The following FRMD3 variants were observed in gnomAD, a reference collection of about 807,000 sequenced individuals.
The protein encoded by FRMD3 is FERM domain-containing protein 3.
In FRMD3, 33 loss-of-function variants were observed where a neutral mutation model predicts 70.2. The ratio of observed to expected loss-of-function variants is 0.47; its 90% CI spans 0.36 to 0.63. The LOEUF (loss-of-function observed/expected upper bound fraction) is 0.63. FRMD3 is among the 20% of genes least tolerant of loss of function. The probability of loss-of-function intolerance (pLI) is 0.00; values close to 1 mark genes in which losing one functional copy is unlikely to be tolerated. For missense variants in FRMD3, 632 were observed against 711.4 expected, an observed-to-expected ratio of 0.89 and a Z score of 1.27; for synonymous variants, 279 against 255.9, an observed-to-expected ratio of 1.09 and a Z score of -0.86.
chr9:83,428,010 G>A (rs570473185), intron 1 of FRMD3, among the ~76,000 whole-genome samples: 3 of 152,278 alleles, frequency 2.0e-5, no homozygotes, highest in Non-Finnish European at 4.4e-5. Flanking sequence ...AGGTGATGAT[G>A]TACATAGTAA....
At chr9:83,441,830 A>AT (rs1827305424) in intron 1 of FRMD3, among the ~76,000 whole-genome samples, 1 of 152,018 alleles carries the variant, frequency 6.6e-6, no homozygotes, top group African/African-American at 2.4e-5. Flanking sequence ...CTGCCTTTAC[A>AT]TACAAACAGA....
Position 83,256,126 on chromosome 9 carries a change from C to T in FRMD3, c.1196-7610G>A, listed in dbSNP as rs565744210. ...TGCTACCTGACTTCAAACTATACTA[C>T]AAGGCTACAGTAACCAAAACAGCAT... On this transcript the variant is annotated intron_variant, in intron 13 of 13. Transcript: ENST00000304195. Among the ~76,000 whole-genome samples the T allele has an allele frequency of 8.6e-4, 131 of 152,250 alleles. No homozygotes were observed. In the Middle Eastern group the frequency reaches 0.01, roughly 12 times the overall value.
At chr9:83,523,424 T>C (rs1488259423) in intron 1 of FRMD3, among the ~76,000 whole-genome samples, 2 of 152,194 alleles carry the variant, frequency 1.3e-5, no homozygotes, top group Non-Finnish European at 2.9e-5. Flanking sequence ...TCTCTGCATT[T>C]CCCATAACAC....
At chr9:83,270,368 T>A (rs548807213) in intron 13 of FRMD3, among the ~76,000 whole-genome samples, 1 of 152,344 alleles carries the variant, frequency 6.6e-6, no homozygotes, top group African/African-American at 2.4e-5. Context: ...CCATGGCTGC[T>A]CCTGCACAAA....
At chr9:83,439,476 G>C (rs550747584) in intron 1 of FRMD3, among the ~76,000 whole-genome samples, 1 of 152,322 alleles carries the variant, frequency 6.6e-6, no homozygotes, top group Admixed American at 6.5e-5. Context: ...CAGCCAACTG[G>C]ATGGTTACAG....
chr9:83,567,337 T>TTTCAAAACCACC, the FRMD3 span, among the ~76,000 whole-genome samples: 1 of 152,090 alleles, frequency 6.6e-6, no homozygotes, highest in Non-Finnish European at 1.5e-5. Flanking sequence ...ACAAAACCAC[T>TTTCAAAACCACC]TTTTCCTCCT....
At chr9:83,473,572 ACTTT>A (rs1349538294) in intron 1 of FRMD3, among the ~76,000 whole-genome samples, 1 of 152,132 alleles carries the variant, frequency 6.6e-6, no homozygotes, top group Non-Finnish European at 1.5e-5. Context: ...TACATCATAC[ACTTT>A]CTATCTTAGA....
chr9:83,349,610 G>T, intron 4 of FRMD3, 69 bp downstream of exon 4: 2 of 1,141,082 alleles, frequency 1.8e-6, no homozygotes, highest in Non-Finnish European at 2.6e-6. Context: ...GGCCCATCTA[G>T]CCTGCAAGAC....
chr9:83,430,339 C>A (rs1421990204), intron 1 of FRMD3, among the ~76,000 whole-genome samples: 4 of 152,160 alleles, frequency 2.6e-5, no homozygotes, highest in Admixed American at 2.0e-4. Flanking sequence ...TTGGTAGAAG[C>A]TCCATTTGGT....
intron 1 of FRMD3, among the ~76,000 whole-genome samples, chr9:83,419,546 GAT>G (rs148300028): frequency 0.031 from 4,721 of 151,290 alleles, 114 homozygotes; most frequent in East Asian, 0.12. Flanking sequence ...CTGAGTGTGT[GAT>G]ATGTGTGTGT....
At chr9:83,452,041 G>A (rs1044879376) in intron 1 of FRMD3, among the ~76,000 whole-genome samples, 1 of 152,186 alleles carries the variant, frequency 6.6e-6, no homozygotes, top group Non-Finnish European at 1.5e-5. Context: ...TCAACAGAGG[G>A]AGACTGGCAG....
intron 1 of FRMD3, among the ~76,000 whole-genome samples, chr9:83,520,472 C>T (rs1829547078): frequency 6.6e-6 from 1 of 152,194 alleles, no homozygotes; most frequent in African/African-American, 2.4e-5. Context: ...GAGTTAGCTA[C>T]CATTAAGAGA....
the FRMD3 span, among the ~76,000 whole-genome samples, chr9:83,575,755 A>C: frequency 1.3e-5 from 2 of 152,222 alleles, no homozygotes; most frequent in Non-Finnish European, 2.9e-5. Context: ...TTGAATTACT[A>C]GCTTTTAAAC....
chr9:83,553,811 T>C, the FRMD3 span, among the ~76,000 whole-genome samples: 1 of 152,228 alleles, frequency 6.6e-6, no homozygotes, highest in Non-Finnish European at 1.5e-5. Flanking sequence ...TTCCTGAATC[T>C]CAATGATATT....
intron 4 of FRMD3, among the ~76,000 whole-genome samples, chr9:83,345,675 T>C (rs531414051): frequency 1.2e-3 from 180 of 152,156 alleles, no homozygotes; most frequent in Non-Finnish European, 2.0e-3. Flanking sequence ...GAGAATCACT[T>C]GAACCTGGGA....
chr9:83,530,734 T>C (rs1236828098), intron 1 of FRMD3, among the ~76,000 whole-genome samples: 1 of 152,170 alleles, frequency 6.6e-6, no homozygotes, highest in African/African-American at 2.4e-5. Context: ...CTCCATGAAA[T>C]GATCACAGGG....
At chr9:83,273,078 C>T (rs1261792741) in intron 13 of FRMD3, among the ~76,000 whole-genome samples, 1 of 151,946 alleles carries the variant, frequency 6.6e-6, no homozygotes, top group African/African-American at 2.4e-5. Context: ...CCCGGCCACC[C>T]CTTCTGGGAA....
At chr9:83,359,158 A>G (rs1471544377) in intron 3 of FRMD3, among the ~76,000 whole-genome samples, 2 of 152,122 alleles carry the variant, frequency 1.3e-5, no homozygotes, top group Non-Finnish European at 2.9e-5. Flanking sequence ...TGTTTAATTC[A>G]TCTTCCTCTC....
chr9:83,309,475 A>G, intron 10 of FRMD3, 61 bp downstream of exon 10: 1 of 995,220 alleles, frequency 1.0e-6, no homozygotes, highest in Non-Finnish European at 1.5e-6. Context: ...CCATTTGCAA[A>G]ACATAAAGAA....
Sources: gnomAD v4.1 joint callset for allele counts (sites outside exome capture counted in the v4.1 genomes callset) on GRCh38, gnomAD v4.1.1 for gene constraint, MANE v1.5 for transcripts, NCBI Gene and HGNC (gene_info 2026-07-23, HGNC 2026-07-21) for gene names.